The following RBFOX1 variants were observed in gnomAD, a reference collection of about 807,000 sequenced individuals.
The protein encoded by RBFOX1 is RNA binding protein fox-1 homolog 1.
Under a neutral mutation model 57.7 loss-of-function variants are expected in RBFOX1, and 8 were observed. The observed-to-expected ratio is 0.14, with a 90% CI of 0.08 to 0.25. RBFOX1 has a LOEUF of 0.25. Ranked by LOEUF, RBFOX1 falls within the 10% of genes least tolerant of loss-of-function variation. The probability of loss-of-function intolerance (pLI) is 1.00; values close to 1 mark genes in which losing one functional copy is unlikely to be tolerated. For missense variants in RBFOX1, 611 were observed against 548.5 expected, an observed-to-expected ratio of 1.11 and a Z score of -1.14; for synonymous variants, 326 against 222.4, an observed-to-expected ratio of 1.47 and a Z score of -4.15.
At chr16:5,896,416 A>C (rs1420616306) in intron 4 of RBFOX1, among the ~76,000 whole-genome samples, 1 of 151,888 alleles carries the variant, frequency 6.6e-6, no homozygotes, top group Non-Finnish European at 1.5e-5. Flanking sequence ...CTGATTGCTA[A>C]AAAAACCTGG....
intron 2 of RBFOX1, among the ~76,000 whole-genome samples, chr16:6,508,400 C>G (rs2096166861): frequency 6.6e-6 from 1 of 152,036 alleles, no homozygotes; most frequent in African/African-American, 2.4e-5. Context: ...ACTTAACACT[C>G]CTGAACTGTA....
At chr16:7,301,523 A>G (rs1006364651) in intron 4 of RBFOX1, among the ~76,000 whole-genome samples, 1 of 152,236 alleles carries the variant, frequency 6.6e-6, no homozygotes, top group African/African-American at 2.4e-5. Context: ...GAGGGGTTCC[A>G]ACTTTGGGGA....
chr16:7,102,575 A>C (rs916581768), intron 4 of RBFOX1, among the ~76,000 whole-genome samples: 13 of 152,188 alleles, frequency 8.5e-5, no homozygotes, highest in African/African-American at 3.1e-4. Context: ...GATCATTTGC[A>C]ATAATAATTA....
intron 1 of RBFOX1, among the ~76,000 whole-genome samples, chr16:5,333,621 C>T (rs996541624): frequency 3.3e-5 from 5 of 152,260 alleles, no homozygotes; most frequent in South Asian, 2.1e-4. Flanking sequence ...TGTCATATGT[C>T]GCATAATGAC....
In RBFOX1 at chr16:6,772,477, GTA is replaced by G. The variant is rs141441664; in HGVS notation, c.-16+117829_-16+117830del. On this transcript the variant is annotated intron_variant, in intron 3 of 15. Transcript: ENST00000550418. ...GTGGGCATGGGGTGCATTTGTATGT[GTA>G]TGTGTGGGTATGGGGTGCGTTTGTG... Among the ~76,000 whole-genome samples, 1,420 of 151,776 alleles carry G rather than the reference GTA, an allele frequency of 9.4e-3. 24 individuals carry two copies. The highest frequency in any genetic ancestry group is 0.033 in the African/African-American group (1,345 of 41,366).
intron 4 of RBFOX1, among the ~76,000 whole-genome samples, chr16:7,448,154 C>A (rs192199148): frequency 1.3e-5 from 2 of 152,270 alleles, no homozygotes; most frequent in East Asian, 3.9e-4. Context: ...AATTTCCTAC[C>A]CCTTCCATAG....
At chr16:5,683,971 G>A (rs910846080) in intron 3 of RBFOX1, among the ~76,000 whole-genome samples, 3 of 151,872 alleles carry the variant, frequency 2.0e-5, no homozygotes, top group Admixed American at 2.0e-4. Flanking sequence ...ATTCTCTGAT[G>A]GTCAAGTGGC....
At chr16:5,276,573 A>G (rs1596368160) in intron 1 of RBFOX1, among the ~76,000 whole-genome samples, 1 of 152,338 alleles carries the variant, frequency 6.6e-6, no homozygotes, top group East Asian at 1.9e-4. Context: ...TCACGAGGTC[A>G]GGAGTTTGAG....
chr16:6,890,247 G>C (rs557470030), intron 3 of RBFOX1, among the ~76,000 whole-genome samples: 20 of 152,290 alleles, frequency 1.3e-4, no homozygotes, highest in Non-Finnish European at 2.1e-4. Flanking sequence ...GGGTGGGCAT[G>C]GTAGCTCATG....
intron 10 of RBFOX1, among the ~76,000 whole-genome samples, chr16:7,612,286 A>C (rs894763706): frequency 2.2e-5 from 3 of 139,530 alleles, no homozygotes; most frequent in African/African-American, 2.8e-5. Flanking sequence ...GCGCCACTGC[A>C]CTCCAGCCTG....
chr16:5,551,026 G>A (rs891082218), intron 2 of RBFOX1, among the ~76,000 whole-genome samples: 1 of 152,116 alleles, frequency 6.6e-6, no homozygotes, highest in African/African-American at 2.4e-5. Context: ...CATATCAAAC[G>A]CTCAGGGAAC....
chr16:5,918,545 C>A (rs568206378), intron 4 of RBFOX1, among the ~76,000 whole-genome samples: 1 of 152,202 alleles, frequency 6.6e-6, no homozygotes, highest in South Asian at 2.1e-4. Context: ...TACTGACCAG[C>A]TTTAACAGAG....
intron 4 of RBFOX1, among the ~76,000 whole-genome samples, chr16:7,234,771 G>T (rs931093293): frequency 2.6e-5 from 4 of 151,570 alleles, no homozygotes; most frequent in Admixed American, 6.6e-5. Flanking sequence ...TCAGAAATGG[G>T]TAATAGACTA....
intron 3 of RBFOX1, among the ~76,000 whole-genome samples, chr16:5,701,881 G>A (rs1033881282): frequency 1.3e-5 from 2 of 152,176 alleles, no homozygotes; most frequent in African/African-American, 4.8e-5. Flanking sequence ...TCTTAACTTC[G>A]TAATTTATTT....
intron 3 of RBFOX1, among the ~76,000 whole-genome samples, chr16:7,019,704 T>A (rs367896132): frequency 2.3e-4 from 35 of 152,234 alleles, no homozygotes; most frequent in African/African-American, 8.4e-4. Flanking sequence ...AGGAAGTGAA[T>A]CTCATGCTAA....
chr16:6,251,326 T>C (rs1477887136), intron 1 of RBFOX1, among the ~76,000 whole-genome samples: 1 of 152,080 alleles, frequency 6.6e-6, no homozygotes, highest in Non-Finnish European at 1.5e-5. Flanking sequence ...GCCCTGCTTG[T>C]GACATGGGTA....
At chr16:6,398,151 C>G (rs184202476) in intron 2 of RBFOX1, among the ~76,000 whole-genome samples, 9 of 152,264 alleles carry the variant, frequency 5.9e-5, no homozygotes, top group African/African-American at 1.9e-4. Flanking sequence ...AGAAAACCAT[C>G]AGATCTCATG....
At chr16:6,046,392 T>C (rs761644488) in intron 1 of RBFOX1, among the ~76,000 whole-genome samples, 2 of 152,182 alleles carry the variant, frequency 1.3e-5, no homozygotes, top group Non-Finnish European at 1.5e-5. Context: ...ATCTAATTTG[T>C]AGGGTTTGAC....
chr16:7,253,050 C>G (rs1350051054), intron 4 of RBFOX1, among the ~76,000 whole-genome samples: 1 of 152,180 alleles, frequency 6.6e-6, no homozygotes, highest in Non-Finnish European at 1.5e-5. Context: ...TCTTTTCCAT[C>G]TTTTTCATTT....
Sources: allele counts gnomAD v4.1 joint callset (sites outside exome capture counted in the v4.1 genomes callset), GRCh38; gene constraint gnomAD v4.1.1; transcripts MANE v1.5; gene names NCBI Gene and HGNC (gene_info 2026-07-23, HGNC 2026-07-21).